The following RPS6KA2 variants were observed in gnomAD, a reference collection of about 807,000 sequenced individuals.
RPS6KA2 encodes ribosomal protein S6 kinase A2.
A neutral mutation model predicts 91.8 loss-of-function variants in RPS6KA2; 42 were observed. That is an observed-to-expected ratio of 0.46 (90% confidence interval 0.36 to 0.59). The LOEUF is 0.59. Ranked by LOEUF, RPS6KA2 falls within the 20% of genes least tolerant of loss-of-function variation. The pLI is 0.00. For missense variants in RPS6KA2, 798 were observed against 978.5 expected (o/e 0.82, Z 2.46); for synonymous variants, 414 against 393.6 (o/e 1.05, Z -0.61).
chr6:166,647,560 A>T (rs1185698861), intron 2 of RPS6KA2, among the ~76,000 whole-genome samples: 1 of 152,214 alleles, frequency 6.6e-6, no homozygotes, highest in African/African-American at 2.4e-5. Flanking sequence ...TGACCACGCA[A>T]GGTTCTACAT....
chr6:166,625,170 C>G (rs1309717710), intron 1 of RPS6KA2, among the ~76,000 whole-genome samples: 2 of 152,148 alleles, frequency 1.3e-5, no homozygotes. Flanking sequence ...GCACCTAGTA[C>G]GGGATCTGGC....
chr6:166,750,171 G>A (rs546525364), intron 2 of RPS6KA2, among the ~76,000 whole-genome samples: 8 of 152,326 alleles, frequency 5.3e-5, no homozygotes, highest in East Asian at 3.9e-4. Flanking sequence ...GGTTCCATCC[G>A]CCTAGGTTTT....
rs896396827 is a variant in RPS6KA2 at position 166,695,323 on chromosome 6, G to A, written c.124-156539C>T. ...TGGCAAAACAAACACAACACAAACA[G>A]AACAACCCCCAGGAGCAAACCCGGA... is the stretch of plus-strand genomic sequence containing the variant. On this transcript the variant is annotated intron_variant, in intron 2 of 21. Transcript: ENST00000503859. Among the ~76,000 whole-genome samples the A allele has an allele frequency of 5.9e-5, 9 of 152,246 alleles. No homozygotes were observed. The Middle Eastern group carries it at 0.01, about 173-fold the overall frequency.
chr6:166,449,573 A>G (rs1015785176), intron 13 of RPS6KA2, among the ~76,000 whole-genome samples: 1 of 152,148 alleles, frequency 6.6e-6, no homozygotes, highest in African/African-American at 2.4e-5. Context: ...ATTCCATTTC[A>G]TCATGGGAAA....
At chr6:166,610,082 T>C (rs1350352757) in intron 1 of RPS6KA2, among the ~76,000 whole-genome samples, 1 of 152,232 alleles carries the variant, frequency 6.6e-6, no homozygotes, top group African/African-American at 2.4e-5. Context: ...CATGAGATCT[T>C]TTACAACCAA....
At chr6:166,618,183 C>A (rs1283635632) in intron 1 of RPS6KA2, among the ~76,000 whole-genome samples, 1 of 152,244 alleles carries the variant, frequency 6.6e-6, no homozygotes, top group African/African-American at 2.4e-5. Context: ...AGGGAAGAAA[C>A]CTTCAATGTG....
intron 2 of RPS6KA2, among the ~76,000 whole-genome samples, chr6:166,818,407 C>T (rs1316467880): frequency 6.6e-6 from 1 of 152,144 alleles, no homozygotes; most frequent in African/African-American, 2.4e-5. Context: ...AGCCTTTTGA[C>T]AAGAAAGCTG....
chr6:166,422,025 G>T (rs1358084363), intron 17 of RPS6KA2, among the ~76,000 whole-genome samples: 1 of 152,018 alleles, frequency 6.6e-6, no homozygotes, highest in Admixed American at 6.6e-5. Context: ...TCAGCCTCCT[G>T]AGTAGCTGGG....
At chr6:166,722,932 G>A (rs745762801) in intron 2 of RPS6KA2, among the ~76,000 whole-genome samples, 29 of 152,120 alleles carry the variant, frequency 1.9e-4, no homozygotes, top group Non-Finnish European at 3.7e-4. Context: ...ATCACAACTC[G>A]CGAGACACCA....
At position 166,419,769 on chromosome 6, in the gene RPS6KA2, G is replaced by A. The variant is rs963625536; in HGVS notation, c.1820+113C>T. ...CTGGGAGTGTTTGCATACACGTTGGGTTTGCCCACATGCGCACACTAGGAC... is the reference window on the plus strand; with the variant it reads ...CTGGGAGTGTTTGCATACACGTTGGATTTGCCCACATGCGCACACTAGGAC... On this transcript the variant is annotated intron_variant, in intron 18 of 20. Coordinates refer to ENST00000265678, the MANE Select transcript of RPS6KA2 (RefSeq NM_021135.6). The surrounding 1 kb of genome is among the most constrained non-coding windows in gnomAD (Gnocchi z 5.6). 6.8e-6 allele frequency: 6 copies of A among 885,458 alleles called. No individual in the cohort carries two copies. Among genetic ancestry groups the A allele is most frequent in the South Asian group, 1.4e-5 (1 of 69,686 alleles). The allele number at this position is 885,458 out of a possible 1,614,324, so 54.9% of individuals were successfully genotyped here.
chr6:166,852,433 TG>T lies in RPS6KA2; in HGVS notation c.123+5766del. 6.6e-6 allele frequency among the ~76,000 whole-genome samples: 1 copy of T among 151,470 alleles called. No individual in the cohort carries two copies. Among genetic ancestry groups the T allele is most frequent in the South Asian group, 2.1e-4 (1 of 4,772 alleles). ...GACCAGTTTAGATTGTTTTTCTTTC[TG>T]TTTTTTTATGAGGAACAATGGAATT... On this transcript the variant is annotated intron_variant, in intron 2 of 21. Transcript: ENST00000503859. The surrounding 1 kb of genome is among the most constrained non-coding windows in gnomAD (Gnocchi z 4.1).
chr6:166,516,703 C>T (rs1782654396), intron 3 of RPS6KA2, among the ~76,000 whole-genome samples: 1 of 152,228 alleles, frequency 6.6e-6, no homozygotes, highest in South Asian at 2.1e-4. Flanking sequence ...TGCCCTTTAT[C>T]TCAGCAGAGC....
chr6:166,539,878 T>C (rs1783599806), intron 1 of RPS6KA2, among the ~76,000 whole-genome samples: 1 of 152,240 alleles, frequency 6.6e-6, no homozygotes, highest in Non-Finnish European at 1.5e-5. Context: ...TTCCACTATC[T>C]ATACATTCGT....
chr6:166,775,485 T>A (rs7749771), intron 2 of RPS6KA2, among the ~76,000 whole-genome samples: 31,856 of 152,188 alleles, frequency 0.21, 4,150 homozygotes, highest in African/African-American at 0.37. Context: ...TGGTTTTCTT[T>A]AATCTTACTG....
rs574872706 is a variant in RPS6KA2 at position 166,514,843 on chromosome 6, T to C, written c.299-4486A>G. 4.4e-4 allele frequency among the ~76,000 whole-genome samples: 67 copies of C among 152,306 alleles called. No individual in the cohort carries two copies. The South Asian group carries it at 0.013, about 30-fold the overall frequency. ...TAAAAAGAAGGGAGCTGCATCATCCTAGCCCTCTGCCTGGGCGACTGGTGG... is the reference window on the plus strand; with the variant it reads ...TAAAAAGAAGGGAGCTGCATCATCCCAGCCCTCTGCCTGGGCGACTGGTGG... On this transcript the variant is annotated intron_variant, in intron 3 of 20. Coordinates refer to ENST00000265678, the MANE Select transcript of RPS6KA2 (RefSeq NM_021135.6).
At chr6:166,764,426 C>T (rs1186998845) in intron 2 of RPS6KA2, among the ~76,000 whole-genome samples, 7 of 150,860 alleles carry the variant, frequency 4.6e-5, no homozygotes, top group Non-Finnish European at 1.0e-4. Context: ...TGCTGGAACG[C>T]GGGGATCAGG....
At chr6:166,701,322 T>A (rs1789512570) in intron 2 of RPS6KA2, 3 of 1,514,220 alleles carry the variant, frequency 2.0e-6, no homozygotes, top group Admixed American at 3.8e-5. Flanking sequence ...TGCCTCCTTT[T>A]CCAGTAACTG....
At chr6:166,449,585 T>C (rs1182688659) in intron 13 of RPS6KA2, among the ~76,000 whole-genome samples, 1 of 151,990 alleles carries the variant, frequency 6.6e-6, no homozygotes. Flanking sequence ...CATGGGAAAA[T>C]GATGCCCACA....
At chr6:166,535,301 G>C (rs1303186003) in intron 2 of RPS6KA2, among the ~76,000 whole-genome samples, 2 of 152,140 alleles carry the variant, frequency 1.3e-5, no homozygotes, top group African/African-American at 4.8e-5. Context: ...CTCTCTCTCA[G>C]AACTGGAGGG....
Sources: allele counts gnomAD v4.1 joint callset (sites outside exome capture counted in the v4.1 genomes callset), GRCh38; gene constraint gnomAD v4.1.1; non-coding constraint Gnocchi (gnomAD v3.1); transcripts MANE v1.5; gene names NCBI Gene and HGNC (gene_info 2026-07-23, HGNC 2026-07-21).